PTGER4: variants seen among roughly 807,000 people sequenced by gnomAD.
PTGER4 encodes prostaglandin E2 receptor EP4 subtype.
Under a neutral mutation model 33.2 loss-of-function variants are expected in PTGER4, and 11 were observed. That is an observed-to-expected ratio of 0.33 (90% CI 0.21 to 0.55). PTGER4 has a LOEUF of 0.55. Ranked by LOEUF, PTGER4 falls within the 20% of genes least tolerant of loss-of-function variation. PTGER4 has a pLI of 0.92. For missense variants in PTGER4, 481 were observed against 650.2 expected, an observed-to-expected ratio of 0.74 and a Z score of 2.83; for synonymous variants, 275 against 281.5, an observed-to-expected ratio of 0.98 and a Z score of 0.23.
At chr5:40,722,555 G>A in the PTGER4 span, among the ~76,000 whole-genome samples, 5 of 151,496 alleles carry the variant, frequency 3.3e-5, no homozygotes, top group Non-Finnish European at 4.4e-5. Context: ...CTGCCTGGCC[G>A]CGACCCCGTC....
the PTGER4 span, among the ~76,000 whole-genome samples, chr5:40,740,008 T>A: frequency 6.6e-6 from 1 of 152,154 alleles, no homozygotes; most frequent in Non-Finnish European, 1.5e-5. Context: ...ATAAGCCTTT[T>A]ATTATTTTTT....
the PTGER4 span, chr5:40,716,562 G>C: frequency 3.9e-6 from 4 of 1,037,408 alleles, no homozygotes; most frequent in South Asian, 4.6e-5. Context: ...ATACAATCCT[G>C]TGTGTTTACG....
At chr5:40,697,254 G>GAAAGAAAGAA (rs1483279882), downstream of PTGER4, among the ~76,000 whole-genome samples, 3 of 91,942 alleles carry the variant, frequency 3.3e-5, no homozygotes, top group African/African-American at 9.3e-5. Context: ...AAGAAAGAAA[G>GAAAGAAAGAA]AAAGAAAGAA....
At chr5:40,725,886 C>T in the PTGER4 span, among the ~76,000 whole-genome samples, 5 of 150,842 alleles carry the variant, frequency 3.3e-5, no homozygotes, top group Non-Finnish European at 7.4e-5. Context: ...CCCAGGTTCA[C>T]GCCATTCTCC....
At chr5:40,740,707 C>G in the PTGER4 span, among the ~76,000 whole-genome samples, 1 of 152,188 alleles carries the variant, frequency 6.6e-6, no homozygotes, top group African/African-American at 2.4e-5. Context: ...TAAGACATTT[C>G]CATCCAACCT....
the PTGER4 span, among the ~76,000 whole-genome samples, chr5:40,738,439 AAATAAAATACAATAC>A: frequency 5.2e-3 from 628 of 119,802 alleles, 24 homozygotes; most frequent in African/African-American, 7.7e-3. Flanking sequence ...ATAAAATATA[AAATAAAATACAATAC>A]AATACAATAC....
chr5:40,698,819 A>G, the PTGER4 span, among the ~76,000 whole-genome samples: 1 of 152,232 alleles, frequency 6.6e-6, no homozygotes, highest in Non-Finnish European at 1.5e-5. Flanking sequence ...TAGTTTTTCC[A>G]GCATAAGAAA....
rs1288734663 is a variant in PTGER4 at position 40,693,487 on chromosome 5, A to G, written c.*1109A>G. The G allele has an allele frequency of 2.0e-6, 2 of 985,874 alleles. No homozygotes were observed. The highest frequency in any genetic ancestry group is 2.4e-6 in the Non-Finnish European group (2 of 829,940). The allele number at this position is 985,874 out of a possible 1,614,324, so 61.1% of individuals were successfully genotyped here. ...CCAAACGTGGTTACATTAGCCATTC[A>G]TGTATGTCAGAAGTGCAGAATTGGG... On this transcript the variant is annotated 3_prime_UTR_variant, in exon 3 of 3. Coordinates refer to ENST00000302472, the MANE Select transcript of PTGER4 (RefSeq NM_000958.3).
At chr5:40,717,106 G>A in the PTGER4 span, among the ~76,000 whole-genome samples, 2 of 151,572 alleles carry the variant, frequency 1.3e-5, no homozygotes, top group African/African-American at 4.8e-5. Flanking sequence ...GCGGGTGCCT[G>A]TAATCCCAGC....
At chr5:40,741,776 G>A in the PTGER4 span, among the ~76,000 whole-genome samples, 1 of 152,104 alleles carries the variant, frequency 6.6e-6, no homozygotes, top group Non-Finnish European at 1.5e-5. Context: ...ATTACCTGAC[G>A]TCAGGAGTTC....
At chr5:40,716,476 G>T in the PTGER4 span, 1 of 1,591,854 alleles carries the variant, frequency 6.3e-7, no homozygotes, top group Non-Finnish European at 8.5e-7. Flanking sequence ...GATGTGAAGG[G>T]CTACTTGAAA....
chr5:40,691,589 T>G lies in PTGER4; in HGVS notation c.868-190T>G, dbSNP rs1741473269. ...CCTCGGCCTCCCAAAGTGCTGGGATTACAGGCGTGAGCCACCGTGCCCAGC... is the reference window on the plus strand; with the variant it reads ...CCTCGGCCTCCCAAAGTGCTGGGATGACAGGCGTGAGCCACCGTGCCCAGC... On this transcript the variant is annotated intron_variant, in intron 2 of 2. Transcript: ENST00000302472. This position sits in a 1 kb window ranked among gnomAD's most constrained non-coding sequence, Gnocchi z 4.2. Among the ~76,000 whole-genome samples, 1 of 152,236 alleles carries G rather than the reference T, an allele frequency of 6.6e-6. No individual in the cohort carries two copies. The highest frequency in any genetic ancestry group is 1.5e-5 in the Non-Finnish European group (1 of 68,034).
At chr5:40,734,568 A>G in the PTGER4 span, among the ~76,000 whole-genome samples, 4 of 152,236 alleles carry the variant, frequency 2.6e-5, no homozygotes, top group African/African-American at 9.6e-5. Flanking sequence ...ATCAAGCTAA[A>G]TAAGTTAGAT....
At chr5:40,704,894 A>G in the PTGER4 span, among the ~76,000 whole-genome samples, 2 of 152,212 alleles carry the variant, frequency 1.3e-5, no homozygotes, top group Non-Finnish European at 2.9e-5. Flanking sequence ...AAATGGCTAT[A>G]CTACCCAAAG....
At chr5:40,702,654 C>T in the PTGER4 span, among the ~76,000 whole-genome samples, 82 of 152,310 alleles carry the variant, frequency 5.4e-4, no homozygotes, top group Non-Finnish European at 9.7e-4. Flanking sequence ...CAGCACTGGA[C>T]CAAATGGATC....
downstream of PTGER4, chr5:40,693,769 G>C (rs1014497660): frequency 1.1e-6 from 1 of 949,418 alleles, no homozygotes; most frequent in African/African-American, 1.8e-5. Flanking sequence ...GGGAAAACTT[G>C]TGGGGGCTTT....
At chr5:40,686,266 G>A (rs1261075341) in intron 2 of PTGER4, among the ~76,000 whole-genome samples, 1 of 152,212 alleles carries the variant, frequency 6.6e-6, no homozygotes, top group Non-Finnish European at 1.5e-5. Flanking sequence ...AAGCGTTACT[G>A]TTTTGACAGT....
the PTGER4 span, among the ~76,000 whole-genome samples, chr5:40,729,444 T>C: frequency 1.5e-4 from 23 of 152,360 alleles, no homozygotes; most frequent in African/African-American, 5.0e-4. Flanking sequence ...AGGTTTTCTT[T>C]ACAGACTTTC....
At chr5:40,706,971 A>G in the PTGER4 span, among the ~76,000 whole-genome samples, 4 of 152,102 alleles carry the variant, frequency 2.6e-5, no homozygotes. Context: ...TTCCAGACAA[A>G]CAAATGCTGA....
Sources: allele counts gnomAD v4.1 joint callset (sites outside exome capture counted in the v4.1 genomes callset), GRCh38; gene constraint gnomAD v4.1.1; non-coding constraint Gnocchi (gnomAD v3.1); transcripts MANE v1.5; gene names NCBI Gene and HGNC (gene_info 2026-07-23, HGNC 2026-07-21).